The following DNM3 variants were observed in gnomAD, a reference collection of about 807,000 sequenced individuals.
DNM3 encodes the protein dynamin 3.
DNM3 carries 47 observed loss-of-function variants against 101.6 expected under a neutral mutation model. The ratio of observed to expected loss-of-function variants is 0.46; its 90% CI spans 0.37 to 0.59. DNM3 has a LOEUF of 0.59. Among genes scored for constraint, DNM3 ranks in the 20% least tolerant of loss-of-function variants. The pLI, the probability that DNM3 is intolerant of heterozygous loss-of-function variation, is 0.00. For synonymous variants in DNM3, 385 were observed against 387.9 expected, an observed-to-expected ratio of 0.99 and a Z score of 0.09; for missense variants, 849 against 1,085.7, an observed-to-expected ratio of 0.78 and a Z score of 3.06.
chr1:172,264,764 C>T (rs1246113266), intron 15 of DNM3, among the ~76,000 whole-genome samples: 1 of 152,128 alleles, frequency 6.6e-6, no homozygotes, highest in African/African-American at 2.4e-5. Flanking sequence ...GTCTTTCTTA[C>T]CTCACAGGTT....
At chr1:171,937,128 A>G (rs2041486705) in intron 2 of DNM3, among the ~76,000 whole-genome samples, 1 of 152,260 alleles carries the variant, frequency 6.6e-6, no homozygotes, top group African/African-American at 2.4e-5. Flanking sequence ...TTAGACTGAT[A>G]CATAGCAAAA....
intron 6 of DNM3, among the ~76,000 whole-genome samples, chr1:172,035,313 T>G (rs2048879943): frequency 6.6e-6 from 1 of 152,162 alleles, no homozygotes; most frequent in East Asian, 1.9e-4. Flanking sequence ...TGGTCAAATA[T>G]GCATGCCACA....
intron 17 of DNM3, among the ~76,000 whole-genome samples, chr1:172,361,080 CTT>C (rs1221447868): frequency 2.0e-5 from 3 of 152,020 alleles, no homozygotes; most frequent in Admixed American, 6.6e-5. Context: ...ACTCTTGAGA[CTT>C]ATTGGGGTGG....
chr1:172,404,283 G>A (rs983604950), intron 20 of DNM3, among the ~76,000 whole-genome samples: 1 of 151,892 alleles, frequency 6.6e-6, no homozygotes, highest in East Asian at 1.9e-4. Context: ...CCTATTAAAT[G>A]CATGTCCCTA....
chr1:171,987,890 C>G, intron 3 of DNM3, 85 bp downstream of exon 3: 1 of 1,315,796 alleles, frequency 7.6e-7, no homozygotes, highest in Non-Finnish European at 1.0e-6. Flanking sequence ...ACAGAAGATA[C>G]AAATAGTGCT....
At chr1:172,156,977 G>T (rs2058362495) in intron 14 of DNM3, among the ~76,000 whole-genome samples, 1 of 152,002 alleles carries the variant, frequency 6.6e-6, no homozygotes, top group Non-Finnish European at 1.5e-5. Context: ...AACCTTTTTG[G>T]CACCGGGGAC....
intron 20 of DNM3, chr1:172,389,102 G>T: frequency 2.3e-6 from 1 of 427,008 alleles, no homozygotes; most frequent in East Asian, 4.5e-5. Context: ...TGAGGGCTTT[G>T]AAACAAAAGA....
intron 5 of DNM3, among the ~76,000 whole-genome samples, 183 bp downstream of exon 5, chr1:172,032,683 C>G (rs2048703165): frequency 6.6e-6 from 1 of 151,338 alleles, no homozygotes; most frequent in Non-Finnish European, 1.5e-5. Context: ...AAATGATATA[C>G]TAGAAAATAA....
At chr1:171,999,941 C>T (rs573106753) in intron 4 of DNM3, among the ~76,000 whole-genome samples, 2 of 152,208 alleles carry the variant, frequency 1.3e-5, no homozygotes, top group Admixed American at 1.3e-4. Context: ...ACACTACCGA[C>T]AGCTGGATTT....
intron 14 of DNM3, among the ~76,000 whole-genome samples, chr1:172,151,729 C>T (rs1016150646): frequency 6.6e-6 from 1 of 152,080 alleles, no homozygotes; most frequent in African/African-American, 2.4e-5. Flanking sequence ...TGTGTGTCAA[C>T]TACTAGGGCA....
chr1:172,326,483 C>T (rs566569059), intron 17 of DNM3, among the ~76,000 whole-genome samples: 1 of 152,156 alleles, frequency 6.6e-6, no homozygotes, highest in Admixed American at 6.6e-5. Context: ...GTTTTTTAAA[C>T]TTGTTTCTTG....
chr1:171,949,803 C>G (rs2042396432), intron 2 of DNM3, among the ~76,000 whole-genome samples: 1 of 152,120 alleles, frequency 6.6e-6, no homozygotes. Context: ...TGCGGAGGAA[C>G]TGGAACTCTT....
intron 14 of DNM3, among the ~76,000 whole-genome samples, chr1:172,209,118 T>C (rs1227519134): frequency 6.6e-6 from 1 of 151,998 alleles, no homozygotes; most frequent in Non-Finnish European, 1.5e-5. Flanking sequence ...TAAGTTAAAA[T>C]GAGGTAATCA....
chr1:172,112,588 T>C (rs1336961915), intron 13 of DNM3, among the ~76,000 whole-genome samples: 1 of 152,180 alleles, frequency 6.6e-6, no homozygotes, highest in Non-Finnish European at 1.5e-5. Flanking sequence ...CCTGAAAACA[T>C]AACCAATTCC....
chr1:172,384,265 A>G (rs1315675592), intron 18 of DNM3, among the ~76,000 whole-genome samples: 4 of 152,182 alleles, frequency 2.6e-5, no homozygotes, highest in South Asian at 4.1e-4. Flanking sequence ...CTATTTAACT[A>G]TGTCGCTTGA....
intron 2 of DNM3, among the ~76,000 whole-genome samples, chr1:171,957,388 C>T (rs1447821390): frequency 2.0e-5 from 3 of 151,988 alleles, no homozygotes; most frequent in Admixed American, 6.6e-5. Context: ...TCAGTAGAGA[C>T]GGAGTTTCAC....
At chr1:172,278,360 G>GGAA (rs147741651) in intron 15 of DNM3, among the ~76,000 whole-genome samples, 14,889 of 151,944 alleles carry the variant, frequency 0.098, 1,220 homozygotes, top group African/African-American at 0.23. Context: ...TGGCCACATT[G>GGAA]GAAGAAGAAT....
intron 17 of DNM3, among the ~76,000 whole-genome samples, chr1:172,340,631 A>T (rs2066643192): frequency 6.6e-6 from 1 of 152,212 alleles, no homozygotes; most frequent in Non-Finnish European, 1.5e-5. Context: ...TGATTCATGG[A>T]GTAGAATTTC....
Position 172,412,544 on chromosome 1 carries a change from T to G in DNM3, c.*4703T>G. ...TTTAATTAATATGAGCCGGATACTT[T>G]CCACTGTCTTCTTGGCACTTTCAGG... On this transcript the variant is annotated 3_prime_UTR_variant, in exon 21 of 21. Transcript: ENST00000627582. The G allele has an allele frequency of 1.0e-6, 1 of 985,780 alleles. No homozygotes were observed. Among genetic ancestry groups the G allele is most frequent in the Non-Finnish European group, 1.2e-6 (1 of 829,862 alleles). 61.1% of individuals were successfully genotyped at this position (985,780 alleles called of 1,614,324 possible). A position where few individuals can be genotyped will look rare whatever the true frequency, so the allele number is the denominator to read the frequency against.
Sources: gnomAD v4.1 joint callset for allele counts (sites outside exome capture counted in the v4.1 genomes callset) on GRCh38, gnomAD v4.1.1 for gene constraint, MANE v1.5 for transcripts, NCBI Gene and HGNC (gene_info 2026-07-23, HGNC 2026-07-21) for gene names.